The following USP2 variants were observed in gnomAD, a reference collection of about 807,000 sequenced individuals.
USP2 encodes the protein ubiquitin specific peptidase 2.
A neutral mutation model predicts 72.0 loss-of-function variants in USP2; 33 were observed. That is an observed-to-expected ratio of 0.46 (90% CI 0.35 to 0.61). The LOEUF (loss-of-function observed/expected upper bound fraction) is 0.61, where lower values mean the gene tolerates loss of function less well. Ranked by LOEUF, USP2 falls within the 20% of genes least tolerant of loss-of-function variation. The probability of loss-of-function intolerance (pLI) is 0.01; values close to 1 mark genes in which losing one functional copy is unlikely to be tolerated. For missense variants in USP2, 691 were observed against 797.8 expected (o/e 0.87, Z 1.61); for synonymous variants, 296 against 312.5 (o/e 0.95, Z 0.56).
intron 2 of USP2, among the ~76,000 whole-genome samples, chr11:119,366,155 A>G (rs1272472581): frequency 6.6e-6 from 1 of 152,142 alleles, no homozygotes; most frequent in Non-Finnish European, 1.5e-5. Context: ...TCAGCCTCCC[A>G]AAGTGCTGGG....
Position 119,372,954 on chromosome 11 carries a change from C to A in USP2, c.527G>T (p.Arg176Leu), listed in dbSNP as rs771654634. The change falls in exon 2 of 13, where the codon CGC becomes CTC. Residue 176 changes from arginine to leucine, a missense_variant. Transcript: ENST00000260187. ...LGRSPMLART[R>L]KELCTLQGLY... ...CCCCTGCAGGGTGCAGAGCTCCTTG[C>A]GCGTCCGGGCCAGCATGGGGCTGCG... 3 of 1,613,736 alleles carry A rather than the reference C, an allele frequency of 1.9e-6. No homozygotes were observed. The highest frequency in any genetic ancestry group is 1.1e-5 in the South Asian group (1 of 91,082).
At chr11:119,361,709 A>G (rs1950768384) in intron 2 of USP2, among the ~76,000 whole-genome samples, 1 of 152,120 alleles carries the variant, frequency 6.6e-6, no homozygotes, top group African/African-American at 2.4e-5. Context: ...CTTCTTGGCC[A>G]GCTGTCAGGG....
Position 119,377,096 on chromosome 11 carries a change from G to C in USP2, c.-41-3575C>G, listed in dbSNP as rs750950284. ...CATTCATATTTCTGAAGTTATTAAA[G>C]CTTAAAACTGCACTAAGGCTTGGGA... On this transcript the variant is annotated intron_variant, in intron 1 of 12. Transcript: ENST00000260187. Among the ~76,000 whole-genome samples the C allele has an allele frequency of 1.4e-4, 21 of 152,176 alleles. 1 individual carries two copies. The highest frequency in any genetic ancestry group is 2.4e-5 in the African/African-American group (1 of 41,430).
At chr11:119,378,772 C>G (rs1327197923) in intron 1 of USP2, among the ~76,000 whole-genome samples, 1 of 152,198 alleles carries the variant, frequency 6.6e-6, no homozygotes, top group Non-Finnish European at 1.5e-5. Flanking sequence ...CCAAGCACCT[C>G]TGCCCAGGTA....
rs33929148 is a variant in USP2 at position 119,372,960 on chromosome 11, C to T, written c.521G>A (p.Arg174Gln). ...CAGGGTGCAGAGCTCCTTGCGCGTC[C>T]GGGCCAGCATGGGGCTGCGGCCCAG... ...RNLGRSPMLA[R>Q]TRKELCTLQG... Residue 174 changes from arginine to glutamine, a missense_variant, in exon 2 of 13, where the codon CGG (arginine) becomes CAG (glutamine). Transcript: ENST00000260187. 0.057 allele frequency: 92,515 copies of T among 1,613,782 alleles called. 3,038 individuals are homozygous for T. The highest frequency in any genetic ancestry group is 0.068 in the Non-Finnish European group (80,231 of 1,179,992).
intron 1 of USP2, 29 bp from the exon 2 acceptor site, chr11:119,373,550 G>A (rs973560930): frequency 1.3e-4 from 189 of 1,483,898 alleles, no homozygotes; most frequent in Non-Finnish European, 1.7e-4. Flanking sequence ...AGTTGTCAGA[G>A]GGCCCTGCCA....
chr11:119,359,035 G>A lies in USP2; in HGVS notation c.1161C>T (p.Leu387=). Reference sequence around the variant, plus strand: ...CTCCTCTTACTTACGGAAGATGATCGAGGTTCTCAGGGTTGGACTTAGGTC... The same window carrying A: ...CTCCTCTTACTTACGGAAGATGATCAAGGTTCTCAGGGTTGGACTTAGGTC... ...TLRPKSNPEN[L]DHLPDDEKGR... is the part of the protein sequence containing the mutation. Residue 387 remains leucine (L), a synonymous_variant, in exon 6 of 13, where the codon CTC becomes CTT. Transcript: ENST00000260187. The A allele has an allele frequency of 6.8e-6, 11 of 1,613,952 alleles. No individual in the cohort carries two copies. The highest frequency in any genetic ancestry group is 2.2e-5 in the East Asian group (1 of 44,878).
rs1374327814 is a variant in USP2 at position 119,360,981 on chromosome 11, G to A, written c.775-747C>T. 4.6e-5 allele frequency among the ~76,000 whole-genome samples: 7 copies of A among 152,198 alleles called. No homozygotes were observed. The East Asian group carries it at 9.6e-4, about 21-fold the overall frequency. On this transcript the variant is annotated intron_variant, in intron 2 of 12. Coordinates refer to ENST00000260187, the MANE Select transcript of USP2 (RefSeq NM_004205.5). ...AATATATAAAGTAACTCTCATAAGA[G>A]ACACTTTGAGGAGGTTTTGAAAAGT...
In USP2 at chr11:119,373,398, C is replaced by A; in HGVS notation, c.83G>T (p.Gly28Val). 6.2e-7 allele frequency: 1 copy of A among 1,608,156 alleles called. No homozygotes were observed. Among genetic ancestry groups the A allele is most frequent in the Non-Finnish European group, 8.5e-7 (1 of 1,179,948 alleles). Residue 28 changes from glycine to valine, a missense_variant, in exon 2 of 13, where the codon GGT (glycine) becomes GTT (valine). By Grantham distance (109) the Gly-to-Val change is moderately radical. Transcript: ENST00000260187. ...CCCATAGGAGGACGGGGTGTAGGCA[C>A]CATAGCCCGACTTGGCATAGTGGGC... ...TDAHYAKSGYGAYTPSSYGAN... is the reference protein window; with the variant it reads ...TDAHYAKSGYVAYTPSSYGAN...
rs1950948665 is a variant in USP2, at chr11:119,372,790, T to C, written c.691A>G (p.Ile231Val). 6.3e-7 allele frequency: 1 copy of C among 1,597,258 alleles called. No individual in the cohort carries two copies. Among genetic ancestry groups the C allele is most frequent in the Non-Finnish European group, 8.5e-7 (1 of 1,172,664 alleles). The stretch of plus-strand genomic sequence containing the variant: ...GTCTCCCACAGCGTGTAGCGGCCAA[T>C]GGGTCGGTAGGTTGGGCTGATGATT... Reference protein sequence around the residue: ...PEIISPTYRPIGRYTLWETGK... With the variant: ...PEIISPTYRPVGRYTLWETGK... Residue 231 changes from isoleucine to valine, a missense_variant, in exon 2 of 13, where the codon ATT (isoleucine) becomes GTT (valine). Ile to Val is a conservative substitution (Grantham distance 29). Coordinates refer to ENST00000260187, the MANE Select transcript of USP2 (RefSeq NM_004205.5).
At chr11:119,357,116 G>T (rs1258067586) in intron 12 of USP2, 71 bp downstream of exon 12, 42 of 1,498,134 alleles carry the variant, frequency 2.8e-5, no homozygotes, top group Admixed American at 5.6e-5. Flanking sequence ...GTGGGTTTGG[G>T]GGGAGGGTGG....
chr11:119,376,532 G>A (rs971555821), intron 1 of USP2, among the ~76,000 whole-genome samples: 1 of 152,260 alleles, frequency 6.6e-6, no homozygotes, highest in Non-Finnish European at 1.5e-5. Flanking sequence ...GCCTCTCCAG[G>A]TGTCCGCCAC....
At chr11:119,368,665 G>A (rs573396) in intron 2 of USP2, among the ~76,000 whole-genome samples, 87,404 of 152,168 alleles carry the variant, frequency 0.57, 25,609 homozygotes, top group East Asian at 0.84. Flanking sequence ...GTCCTAGAGC[G>A]GAGGGCAAGG....
At chr11:119,367,968 G>A (rs1473644828) in intron 2 of USP2, among the ~76,000 whole-genome samples, 1 of 152,196 alleles carries the variant, frequency 6.6e-6, no homozygotes, top group Non-Finnish European at 1.5e-5. Flanking sequence ...ATCCTGGAGT[G>A]GGGGTGGAGG....
At chr11:119,377,764 C>T (rs1331295137) in intron 1 of USP2, among the ~76,000 whole-genome samples, 1 of 152,318 alleles carries the variant, frequency 6.6e-6, no homozygotes, top group East Asian at 1.9e-4. Flanking sequence ...GCTTCAGCCA[C>T]TGTCATTTCC....
chr11:119,359,686 TG>T, intron 3 of USP2, 26 bp from the exon 4 acceptor site: 2 of 1,610,474 alleles, frequency 1.2e-6, no homozygotes. Context: ...AGGCAATCAG[TG>T]GGGAGACGAG....
intron 2 of USP2, among the ~76,000 whole-genome samples, chr11:119,368,372 G>A (rs1056585837): frequency 6.6e-6 from 1 of 152,242 alleles, no homozygotes; most frequent in South Asian, 2.1e-4. Context: ...CGTGAACGGA[G>A]CGAGAACATG....
intron 6 of USP2, 76 bp from the exon 7 acceptor site, chr11:119,358,913 C>T: frequency 5.7e-6 from 9 of 1,590,078 alleles, no homozygotes; most frequent in Non-Finnish European, 6.9e-6. Context: ...TTTGATCCTT[C>T]ATCTTCAAAA....
At position 119,373,394 on chromosome 11, in the gene USP2, G is replaced by C; in HGVS notation, c.87C>G (p.Ala29=). ...TGGCCCCATAGGAGGACGGGGTGTA[G>C]GCACCATAGCCCGACTTGGCATAGT... is the stretch of plus-strand genomic sequence containing the variant. The part of the protein sequence containing the change: ...DAHYAKSGYG[A]YTPSSYGANL... Residue 29 remains alanine (A), a synonymous_variant, in exon 2 of 13, where the codon GCC becomes GCG. Transcript: ENST00000260187. The C allele has an allele frequency of 6.2e-7, 1 of 1,608,922 alleles. No individual in the cohort carries two copies. The highest frequency in any genetic ancestry group is 1.1e-5 in the South Asian group (1 of 91,090).
Sources: allele counts gnomAD v4.1 joint callset (sites outside exome capture counted in the v4.1 genomes callset), GRCh38; gene constraint gnomAD v4.1.1; transcripts MANE v1.5; gene names NCBI Gene and HGNC (gene_info 2026-07-23, HGNC 2026-07-21).